CDH11: variants seen among roughly 807,000 people sequenced by gnomAD.
The protein encoded by CDH11 is cadherin 11, also known as cadherin-11.
CDH11 carries 11 observed loss-of-function variants against 67.8 expected under a neutral mutation model. That is an observed-to-expected ratio of 0.16 (90% CI 0.10 to 0.27). CDH11 has a LOEUF of 0.27. CDH11 is among the 10% of genes least tolerant of loss of function. The probability of loss-of-function intolerance (pLI) is 1.00; values close to 1 mark genes in which losing one functional copy is unlikely to be tolerated. For synonymous variants in CDH11, 419 were observed against 400.0 expected, an observed-to-expected ratio of 1.05 and a Z score of -0.57; for missense variants, 847 against 1,031.2, an observed-to-expected ratio of 0.82 and a Z score of 2.45.
At chr16:64,974,776 G>C (rs1396180256) in intron 8 of CDH11, among the ~76,000 whole-genome samples, 5 of 152,184 alleles carry the variant, frequency 3.3e-5, no homozygotes, top group Admixed American at 2.6e-4. Flanking sequence ...CCATGAAGGA[G>C]CTCACTATTT....
At chr16:64,952,663 CACACACACAT>C in intron 11 of CDH11, among the ~76,000 whole-genome samples, 1 of 136,762 alleles carries the variant, frequency 7.3e-6, no homozygotes, top group Non-Finnish European at 1.7e-5. Flanking sequence ...TACACACATA[CACACACACAT>C]ACACACACAC....
chr16:65,051,418 T>C (rs2074054712), intron 2 of CDH11, among the ~76,000 whole-genome samples: 2 of 150,758 alleles, frequency 1.3e-5, no homozygotes, highest in Non-Finnish European at 2.9e-5. Flanking sequence ...GCCCATAATA[T>C]GGGAGATTCA....
intron 1 of CDH11, among the ~76,000 whole-genome samples, chr16:65,091,440 G>A (rs7404568): frequency 0.91 from 138,486 of 152,290 alleles, 63,046 homozygotes; most frequent in East Asian, 1. Flanking sequence ...GCTGTTGATC[G>A]TACCTCAGCA....
chr16:64,985,485 T>C (rs2072462901), intron 7 of CDH11: 1 of 151,916 alleles, frequency 6.6e-6, no homozygotes, highest in East Asian at 1.9e-4. Context: ...TACTAGCCCA[T>C]CATGAGTTAT....
intron 4 of CDH11, among the ~76,000 whole-genome samples, chr16:64,997,171 G>A (rs140924336): frequency 2.0e-5 from 3 of 151,814 alleles, no homozygotes; most frequent in South Asian, 2.1e-4. Context: ...GTGGTGGCGC[G>A]CTCCTGTAAT....
chr16:65,096,492 T>C (rs966137794), intron 1 of CDH11, among the ~76,000 whole-genome samples: 4 of 150,658 alleles, frequency 2.7e-5, no homozygotes, highest in African/African-American at 9.8e-5. Flanking sequence ...TGTACATATA[T>C]GTTTATATAT....
intron 1 of CDH11, among the ~76,000 whole-genome samples, chr16:65,054,150 G>A (rs56167561): frequency 0.049 from 7,412 of 152,234 alleles, 266 homozygotes; most frequent in Non-Finnish European, 0.07. Flanking sequence ...CCATACATGC[G>A]TTTCGTACTT....
chr16:64,981,367 A>G (rs1170473513), intron 8 of CDH11: 3 of 152,078 alleles, frequency 2.0e-5, no homozygotes, highest in South Asian at 2.1e-4. Context: ...TAGCCTTCCC[A>G]AAGTGATGAG....
chr16:65,003,702 G>A (rs1185302179), intron 3 of CDH11, among the ~76,000 whole-genome samples: 1 of 152,138 alleles, frequency 6.6e-6, no homozygotes, highest in East Asian at 1.9e-4. Context: ...TTCTGGAAGG[G>A]ATACACAGAG....
At chr16:65,120,947 C>T (rs1481500884) in intron 1 of CDH11, among the ~76,000 whole-genome samples, 2 of 152,204 alleles carry the variant, frequency 1.3e-5, no homozygotes, top group Non-Finnish European at 2.9e-5. Context: ...CCGTCCTCCC[C>T]ATCTGGCCAG....
chr16:65,058,680 G>A (rs1244295112), intron 1 of CDH11, among the ~76,000 whole-genome samples: 1 of 151,826 alleles, frequency 6.6e-6, no homozygotes, highest in African/African-American at 2.4e-5. Flanking sequence ...GATTTTTTTT[G>A]TAAAAAATTG....
At chr16:65,021,471 C>T (rs2073422078) in intron 2 of CDH11, among the ~76,000 whole-genome samples, 1 of 151,782 alleles carries the variant, frequency 6.6e-6, no homozygotes, top group African/African-American at 2.4e-5. Flanking sequence ...AAAAACAATT[C>T]AGTCATCTGA....
Position 65,101,701 on chromosome 16 carries a change from C to T in CDH11, c.-298+20179G>A, listed in dbSNP as rs1305361039. 3.3e-5 allele frequency among the ~76,000 whole-genome samples: 5 copies of T among 152,182 alleles called. 1 individual carries two copies. In the South Asian group the frequency reaches 6.2e-4, roughly 19 times the overall value. ...CAAGTGTCAAGGCCACTTCCCAATA[C>T]ATCACATTGCCGTGTACTATTGATC... On this transcript the variant is annotated intron_variant, in intron 1 of 12. Coordinates refer to ENST00000268603, the MANE Select transcript of CDH11 (RefSeq NM_001797.4).
chr16:65,066,128 C>T (rs1042150097), intron 1 of CDH11, among the ~76,000 whole-genome samples: 2 of 152,232 alleles, frequency 1.3e-5, no homozygotes, highest in African/African-American at 4.8e-5. Flanking sequence ...TCTAGGAACC[C>T]ATTGCTTTGC....
intron 1 of CDH11, among the ~76,000 whole-genome samples, chr16:65,068,500 G>A (rs1227876421): frequency 6.7e-6 from 1 of 148,308 alleles, no homozygotes; most frequent in Admixed American, 6.7e-5. Context: ...GTGGCCTAAA[G>A]AAGACTCTCT....
intron 2 of CDH11, among the ~76,000 whole-genome samples, chr16:65,010,603 A>G (rs1278503365): frequency 6.6e-6 from 1 of 152,116 alleles, no homozygotes; most frequent in African/African-American, 2.4e-5. Flanking sequence ...AATTTCTAAT[A>G]CCAAATTCAA....
chr16:65,034,822 T>C (rs568956468), intron 2 of CDH11, among the ~76,000 whole-genome samples: 170 of 152,228 alleles, frequency 1.1e-3, no homozygotes, highest in Middle Eastern at 3.4e-3. Context: ...GCTGGTAATA[T>C]AGGGTCCTTG....
chr16:64,992,357 A>G (rs16942787), intron 5 of CDH11, among the ~76,000 whole-genome samples: 24,530 of 152,246 alleles, frequency 0.16, 2,509 homozygotes, highest in East Asian at 0.42. Context: ...CAGGAGGTGC[A>G]TATTTCATGC....
At chr16:65,066,818 A>G (rs1258646719) in intron 1 of CDH11, among the ~76,000 whole-genome samples, 1 of 152,248 alleles carries the variant, frequency 6.6e-6, no homozygotes, top group African/African-American at 2.4e-5. Context: ...TCGTGTTTAT[A>G]GCTCCTACAG....
Sources: allele counts gnomAD v4.1 joint callset (sites outside exome capture counted in the v4.1 genomes callset), GRCh38; gene constraint gnomAD v4.1.1; transcripts MANE v1.5; gene names NCBI Gene and HGNC (gene_info 2026-07-23, HGNC 2026-07-21).